Variants in CLIP2 observed in about 807,000 individuals in gnomAD.
CLIP2 encodes the protein CAP-Gly domain-containing linker protein 2.
Under a neutral mutation model 111.7 loss-of-function variants are expected in CLIP2, and 41 were observed. The observed-to-expected ratio is 0.37, with a 90% CI of 0.29 to 0.48. CLIP2 has a LOEUF of 0.48. Among genes scored for constraint, CLIP2 ranks in the 20% least tolerant of loss-of-function variants. The pLI is 0.99. For synonymous variants in CLIP2, 660 were observed against 644.2 expected (o/e 1.02, Z -0.37); for missense variants, 1,160 against 1,422.1 (o/e 0.82, Z 2.96).
chr7:74,290,605 C>T, intron 1 of CLIP2, among the ~76,000 whole-genome samples: 1 of 152,178 alleles, frequency 6.6e-6, no homozygotes, highest in Non-Finnish European at 1.5e-5. Context: ...CGTCTGAGAC[C>T]CCTCCTCTCA....
intron 1 of CLIP2, among the ~76,000 whole-genome samples, chr7:74,302,339 C>T (rs1330670720): frequency 6.6e-6 from 1 of 151,960 alleles, no homozygotes; most frequent in Admixed American, 6.6e-5. Context: ...CCTCAGCCTC[C>T]CAAGTAGCAG....
At chr7:74,352,560 A>G (rs1790035282) in intron 3 of CLIP2, among the ~76,000 whole-genome samples, 1 of 152,094 alleles carries the variant, frequency 6.6e-6, no homozygotes, top group Non-Finnish European at 1.5e-5. Context: ...TATGAGTACT[A>G]TCTACTTAGT....
intron 13 of CLIP2, among the ~76,000 whole-genome samples, chr7:74,390,236 T>C (rs1791261032): frequency 6.7e-6 from 1 of 149,466 alleles, no homozygotes; most frequent in Non-Finnish European, 1.5e-5. Flanking sequence ...GATTAATGCC[T>C]CCCCAAAATG....
intron 11 of CLIP2, chr7:74,381,584 G>A (rs782307890): frequency 2.0e-5 from 9 of 455,488 alleles, no homozygotes; most frequent in African/African-American, 4.0e-5. Flanking sequence ...CCCTGAAGGC[G>A]CAGTGTTAGC....
At chr7:74,386,694 C>T in intron 12 of CLIP2, 90 bp downstream of exon 12, 1 of 1,047,378 alleles carries the variant, frequency 9.5e-7, no homozygotes, top group Middle Eastern at 2.2e-4. Context: ...GGGTCAGGGC[C>T]TGGCTTAGGG....
rs550175698 is a variant in CLIP2 at position 74,404,247 on chromosome 7, C to T, written c.*399C>T. The T allele has an allele frequency of 9.3e-5, 20 of 214,822 alleles. No individual in the cohort carries two copies. The South Asian group carries it at 1.2e-3, about 13-fold the overall frequency. The allele number at this position is 214,822 out of a possible 1,614,324, so 13.3% of individuals were successfully genotyped here. On this transcript the variant is annotated 3_prime_UTR_variant, in exon 17 of 17. Transcript: ENST00000223398. ...CTCCCTCGGGTCTCCCCAGAGGGGC[C>T]GGCGGGGGCTGGGGAGGGGGTAAGT...
chr7:74,293,104 G>T (rs1788072221), intron 1 of CLIP2, among the ~76,000 whole-genome samples: 1 of 152,220 alleles, frequency 6.6e-6, no homozygotes, highest in African/African-American at 2.4e-5. Flanking sequence ...GGTTTGAGGA[G>T]CAGGGCTGGC....
rs903708574 is a variant in CLIP2, at chr7:74,303,206, C to T, written c.-68+13472C>T. 2.0e-5 allele frequency among the ~76,000 whole-genome samples: 3 copies of T among 152,222 alleles called. No homozygotes were observed. In the South Asian group the frequency reaches 6.2e-4, roughly 31 times the overall value. On this transcript the variant is annotated intron_variant, in intron 1 of 16. Coordinates refer to ENST00000223398, the MANE Select transcript of CLIP2 (RefSeq NM_003388.5). ...GCCCTGGTCAGGGAGGATGTGGAGA[C>T]TCTAGCTTCACCACTGGGTGACCTA...
At chr7:74,361,201 T>TTCCTTCCTTCCTTCCTTCCTTCCTTCCC (rs1554309692) in intron 7 of CLIP2, among the ~76,000 whole-genome samples, 1 of 125,976 alleles carries the variant, frequency 7.9e-6, no homozygotes, top group African/African-American at 2.9e-5. Flanking sequence ...CCTTCCTTCC[T>TTCCTTCCTTCCTTCCTTCCTTCCTTCCC]TCCTTCCCTC....
chr7:74,354,934 C>A (rs1445546635), intron 4 of CLIP2, among the ~76,000 whole-genome samples: 1 of 152,154 alleles, frequency 6.6e-6, no homozygotes, highest in African/African-American at 2.4e-5. Context: ...CTCACAGCAT[C>A]TCTGATGAAA....
chr7:74,376,692 T>G lies in CLIP2; in HGVS notation c.2291T>G (p.Leu764Trp). 6.2e-7 allele frequency: 1 copy of G among 1,613,162 alleles called. No individual in the cohort carries two copies. Among genetic ancestry groups the G allele is most frequent in the Non-Finnish European group, 8.5e-7 (1 of 1,179,792 alleles). Residue 764 changes from leucine to tryptophan, a missense_variant, in exon 10 of 17, where the codon TTG becomes TGG. Coordinates refer to ENST00000223398, the MANE Select transcript of CLIP2 (RefSeq NM_003388.5). The surrounding 1 kb of genome is among the most constrained non-coding windows in gnomAD (Gnocchi z 7.1). ...EQISLAEKKMLDYERLQRAEA... is the reference protein window; with the variant it reads ...EQISLAEKKMWDYERLQRAEA... ...ATCTCGCTGGCCGAGAAGAAGATGT[T>G]GGACTACGAGCGGCTGCAGCGGGCA...
rs2116428434 is a variant in CLIP2 at position 74,290,659 on chromosome 7, T to A, written c.-68+925T>A. 2.0e-5 allele frequency among the ~76,000 whole-genome samples: 3 copies of A among 152,232 alleles called. No homozygotes were observed. In the Middle Eastern group the frequency reaches 0.01, roughly 518 times the overall value. On this transcript the variant is annotated intron_variant, in intron 1 of 16. Transcript: ENST00000223398. ...GGGTCTGGGATGAGGGGGTCTGCCG[T>A]CACTCTTGCGCGATGCCTGAGGGAG...
At chr7:74,358,710 T>G (rs930535954) in intron 6 of CLIP2, among the ~76,000 whole-genome samples, 1 of 151,858 alleles carries the variant, frequency 6.6e-6, no homozygotes, top group Non-Finnish European at 1.5e-5. Flanking sequence ...GCTGGGACTA[T>G]AGGTGCACGC....
At chr7:74,375,736 G>A in intron 9 of CLIP2, 151 bp from the exon 10 acceptor site, 1 of 608,496 alleles carries the variant, frequency 1.6e-6, no homozygotes, top group Admixed American at 3.3e-5. Flanking sequence ...CACTCAGGAG[G>A]GAGTGAGCGC....
intron 11 of CLIP2, among the ~76,000 whole-genome samples, chr7:74,384,213 CA>C (rs1554314423): frequency 1.3e-5 from 2 of 151,838 alleles, no homozygotes; most frequent in African/African-American, 4.8e-5. Flanking sequence ...GACAACAAAA[CA>C]AAACAAAAAA....
chr7:74,328,876 G>A (rs952516754), intron 2 of CLIP2, among the ~76,000 whole-genome samples: 1 of 150,836 alleles, frequency 6.6e-6, no homozygotes, highest in Non-Finnish European at 1.5e-5. Flanking sequence ...TAGCTGGTGC[G>A]CACCACCATG....
intron 8 of CLIP2, among the ~76,000 whole-genome samples, chr7:74,368,897 G>A (rs1355083178): frequency 6.6e-6 from 1 of 152,138 alleles, no homozygotes; most frequent in Non-Finnish European, 1.5e-5. Flanking sequence ...CATCCCAGAC[G>A]TCATATGGCC....
chr7:74,400,094 G>A (rs945212525), intron 14 of CLIP2, among the ~76,000 whole-genome samples: 1 of 147,106 alleles, frequency 6.8e-6, no homozygotes, highest in Non-Finnish European at 1.5e-5. Flanking sequence ...AGCTTGCAGA[G>A]ACCCAAGATC....
chr7:74,368,374 G>A (rs527855911), intron 8 of CLIP2, among the ~76,000 whole-genome samples: 7 of 152,012 alleles, frequency 4.6e-5, no homozygotes, highest in South Asian at 2.1e-4. Context: ...AAACTTAGCC[G>A]GGCCTGGTGG....
Sources: gnomAD v4.1 joint callset for allele counts (sites outside exome capture counted in the v4.1 genomes callset) on GRCh38, gnomAD v4.1.1 for gene constraint, Gnocchi (gnomAD v3.1) non-coding constraint, MANE v1.5 for transcripts, NCBI Gene and HGNC (gene_info 2026-07-23, HGNC 2026-07-21) for gene names.